The following SRPRB variants were observed in gnomAD, a reference collection of about 807,000 sequenced individuals.
SRPRB encodes SRP receptor subunit beta, also known as signal recognition particle receptor subunit beta.
In SRPRB, 20 loss-of-function variants were observed where a neutral mutation model predicts 31.9. The observed-to-expected ratio is 0.63, with a 90% CI of 0.44 to 0.91. SRPRB has a LOEUF of 0.91. SRPRB is among the 40% of genes least tolerant of loss of function. The probability of loss-of-function intolerance (pLI) is 0.00; values close to 1 mark genes in which losing one functional copy is unlikely to be tolerated. For missense variants in SRPRB, 321 were observed against 324.9 expected (o/e 0.99, Z 0.09); for synonymous variants, 146 against 132.8 (o/e 1.10, Z -0.68).
In SRPRB at chr3:133,820,088, G is replaced by C. The variant is rs1935444582; in HGVS notation, c.*322G>C. 1 of 252,978 alleles carries C rather than the reference G, an allele frequency of 4.0e-6. No homozygotes were observed. Among genetic ancestry groups the C allele is most frequent in the Admixed American group, 4.9e-5 (1 of 20,454 alleles). 15.7% of individuals were successfully genotyped at this position (252,978 alleles called of 1,614,324 possible). A position where few individuals can be genotyped will look rare whatever the true frequency, so the allele number is the denominator to read the frequency against. ...CACAGAGAGGATATGATGAGAATAT[G>C]GCCATCACCTGAAAAGTTTTCTTAT... On this transcript the variant is annotated 3_prime_UTR_variant, in exon 7 of 7. Coordinates refer to ENST00000678299, the MANE Select transcript of SRPRB (RefSeq NM_001379313.1).
intron 3 of SRPRB, chr3:133,810,164 A>G (rs1451254786): frequency 1.3e-5 from 2 of 152,234 alleles, no homozygotes; most frequent in Non-Finnish European, 2.9e-5. Context: ...GTACTTAAAA[A>G]AAAAAGAGAG....
At chr3:133,803,044 T>C (rs973796428), upstream of SRPRB, among the ~76,000 whole-genome samples, 1 of 152,238 alleles carries the variant, frequency 6.6e-6, no homozygotes, top group Non-Finnish European at 1.5e-5. Flanking sequence ...CTACGTATTT[T>C]AACTCTCAGA....
At chr3:133,810,318 G>T (rs965327611) in intron 3 of SRPRB, 1 of 152,232 alleles carries the variant, frequency 6.6e-6, no homozygotes, top group African/African-American at 2.4e-5. Context: ...GTTGGCTGTG[G>T]ATAATGTAGA....
At chr3:133,806,026 G>T in intron 1 of SRPRB, 24 bp downstream of exon 1, 1 of 1,608,576 alleles carries the variant, frequency 6.2e-7, no homozygotes, top group Non-Finnish European at 8.5e-7. Flanking sequence ...GGTGGTCATG[G>T]CGGGTTTGGG....
intron 6 of SRPRB, among the ~76,000 whole-genome samples, chr3:133,818,102 C>T (rs1935398063): frequency 6.6e-6 from 1 of 152,212 alleles, no homozygotes; most frequent in Non-Finnish European, 1.5e-5. Flanking sequence ...TGCTCACTCT[C>T]TTGGATTGTA....
upstream of SRPRB, among the ~76,000 whole-genome samples, chr3:133,802,585 G>A (rs547650331): frequency 6.6e-6 from 1 of 152,066 alleles, no homozygotes; most frequent in Non-Finnish European, 1.5e-5. Flanking sequence ...CTTGTCAAAG[G>A]AGCCTCTCTG....
chr3:133,807,238 G>A (rs960982729), intron 2 of SRPRB, among the ~76,000 whole-genome samples: 21 of 147,052 alleles, frequency 1.4e-4, no homozygotes, highest in African/African-American at 5.2e-4. Context: ...TTCCATTAAA[G>A]AAATACCTCC....
chr3:133,805,509 A>G (rs1211161466), upstream of SRPRB: 1 of 209,354 alleles, frequency 4.8e-6, no homozygotes, highest in Non-Finnish European at 9.4e-6. Context: ...CACGTCACTT[A>G]GCGACGGTCG....
At position 133,820,264 on chromosome 3, in the gene SRPRB, A is replaced by G. The variant is rs1935448761; in HGVS notation, c.*498A>G. 6.2e-6 allele frequency: 1 copy of G among 161,738 alleles called. No homozygotes were observed. Among genetic ancestry groups the G allele is most frequent in the South Asian group, 1.7e-4 (1 of 6,060 alleles). The allele number at this position is 161,738 out of a possible 1,614,324, so 10.0% of individuals were successfully genotyped here. On this transcript the variant is annotated 3_prime_UTR_variant, in exon 7 of 7. Transcript: ENST00000678299. ...CTCTGATTTGTGGGCACAGTTATGA[A>G]GTTTCCCCACATGTGAAGACAGGTA... is the stretch of plus-strand genomic sequence containing the variant.
chr3:133,797,845 G>A (rs1278566301), intron 1 of SRPRB, among the ~76,000 whole-genome samples: 1 of 152,190 alleles, frequency 6.6e-6, no homozygotes, highest in East Asian at 1.9e-4. Context: ...TTTTTAGGAA[G>A]ACCTGCCTTC....
chr3:133,806,738 A>G, intron 2 of SRPRB, 35 bp downstream of exon 2: 2 of 1,533,418 alleles, frequency 1.3e-6, no homozygotes, highest in Non-Finnish European at 1.8e-6. Context: ...GTTAAGCTTA[A>G]TAGAAAATTT....
chr3:133,799,077 G>A (rs2107962453), intron 1 of SRPRB, among the ~76,000 whole-genome samples: 1 of 152,224 alleles, frequency 6.6e-6, no homozygotes, highest in African/African-American at 2.4e-5. Context: ...AATACCCAGA[G>A]GTGGGAAAGG....
intron 1 of SRPRB, chr3:133,787,496 G>C (rs1163480954): frequency 2.6e-5 from 4 of 152,186 alleles, no homozygotes; most frequent in Admixed American, 6.5e-5. Context: ...GAAATATCTG[G>C]TCTCTCTAGA....
downstream of SRPRB, chr3:133,824,848 TCACATTTGTTCA>T (rs1245347472): frequency 2.0e-5 from 3 of 151,656 alleles, no homozygotes; most frequent in Non-Finnish European, 4.4e-5. Flanking sequence ...AAATATGGAG[TCACATTTGTTCA>T]CACACAGGGC....
At chr3:133,792,826 T>C (rs1181720240) in intron 1 of SRPRB, 1 of 152,206 alleles carries the variant, frequency 6.6e-6, no homozygotes, top group East Asian at 1.9e-4. Context: ...TAAAAAATTA[T>C]GTGTGTGAAC....
At chr3:133,813,063 C>G (rs779717305) in intron 4 of SRPRB, among the ~76,000 whole-genome samples, 2 of 152,160 alleles carry the variant, frequency 1.3e-5, no homozygotes, top group Non-Finnish European at 2.9e-5. Context: ...GTGCAGAGTC[C>G]TGGGTGGCAG....
At chr3:133,826,891 C>T (rs192943001), downstream of SRPRB, 318 of 152,768 alleles carry the variant, frequency 2.1e-3, 2 homozygotes, top group Middle Eastern at 3.4e-3. Flanking sequence ...CATGTATCTC[C>T]GTGAGGATGT....
intron 4 of SRPRB, 41 bp downstream of exon 4, chr3:133,811,240 A>G (rs1362916391): frequency 6.3e-7 from 1 of 1,591,448 alleles, no homozygotes; most frequent in Non-Finnish European, 8.6e-7. Context: ...CTAGGTCTGT[A>G]TCTGTATATC....
chr3:133,803,867 T>G (rs899337342), upstream of SRPRB, among the ~76,000 whole-genome samples: 1 of 151,408 alleles, frequency 6.6e-6, no homozygotes, highest in African/African-American at 2.4e-5. Context: ...TAGGCCGAGG[T>G]GGGTGGATCA....
Sources: gnomAD v4.1 joint callset for allele counts (sites outside exome capture counted in the v4.1 genomes callset) on GRCh38, gnomAD v4.1.1 for gene constraint, MANE v1.5 for transcripts, NCBI Gene and HGNC (gene_info 2026-07-23, HGNC 2026-07-21) for gene names.